The following NRG1 variants were observed in gnomAD, a reference collection of about 807,000 sequenced individuals.
NRG1 encodes the protein neuregulin 1, also known as pro-neuregulin-1, membrane-bound isoform.
NRG1 carries 18 observed loss-of-function variants against 63.8 expected under a neutral mutation model. That is an observed-to-expected ratio of 0.28 (90% CI 0.19 to 0.42). NRG1 has a LOEUF of 0.42. Among genes scored for constraint, NRG1 ranks in the 10% least tolerant of loss-of-function variants. NRG1 has a pLI of 1.00. For missense variants in NRG1, 762 were observed against 814.7 expected (o/e 0.94, Z 0.79); for synonymous variants, 302 against 301.3 (o/e 1.00, Z -0.02).
chr8:32,152,506 A>G (rs1469983818), intron 1 of NRG1, among the ~76,000 whole-genome samples: 1 of 152,250 alleles, frequency 6.6e-6, no homozygotes, highest in Non-Finnish European at 1.5e-5. Context: ...TCAGGAGACG[A>G]TCAATGATTA....
At chr8:32,267,032 G>A (rs953391184) in intron 1 of NRG1, among the ~76,000 whole-genome samples, 1 of 151,244 alleles carries the variant, frequency 6.6e-6, no homozygotes, top group African/African-American at 2.4e-5. Context: ...CTGGGTGACA[G>A]AGCCAGACTC....
intron 1 of NRG1, among the ~76,000 whole-genome samples, chr8:32,331,165 T>TA (rs1367910133): frequency 6.6e-6 from 1 of 152,148 alleles, no homozygotes; most frequent in African/African-American, 2.4e-5. Flanking sequence ...CCAGTTTTCT[T>TA]ACTACTTTTT....
intron 1 of NRG1, among the ~76,000 whole-genome samples, chr8:32,460,535 T>C (rs925909377): frequency 6.6e-6 from 1 of 152,228 alleles, no homozygotes; most frequent in Non-Finnish European, 1.5e-5. Context: ...ATTTAAATTT[T>C]TGCTAGTCAC....
intron 1 of NRG1, among the ~76,000 whole-genome samples, chr8:32,405,839 A>G (rs1226443271): frequency 1.3e-5 from 2 of 152,164 alleles, no homozygotes; most frequent in African/African-American, 4.8e-5. Context: ...TTTCATTAGT[A>G]GGCTTTTAAA....
chr8:32,340,373 T>C (rs935601834), intron 1 of NRG1, among the ~76,000 whole-genome samples: 3 of 152,174 alleles, frequency 2.0e-5, no homozygotes, highest in African/African-American at 7.2e-5. Flanking sequence ...GGCTGCTAAA[T>C]CCTAGAGGGC....
chr8:32,205,214 T>G (rs1843912818), intron 1 of NRG1, among the ~76,000 whole-genome samples: 1 of 152,160 alleles, frequency 6.6e-6, no homozygotes, highest in Non-Finnish European at 1.5e-5. Flanking sequence ...TTGGATGGGT[T>G]TTTTTATATT....
chr8:31,826,168 G>T (rs1009936409), intron 1 of NRG1, among the ~76,000 whole-genome samples: 1 of 152,148 alleles, frequency 6.6e-6, no homozygotes, highest in African/African-American at 2.4e-5. Context: ...TCAGGTCAAT[G>T]GGATGTAAAT....
intron 1 of NRG1, among the ~76,000 whole-genome samples, chr8:32,253,974 C>T (rs963377179): frequency 9.9e-5 from 15 of 152,064 alleles, no homozygotes; most frequent in Admixed American, 6.6e-5. Context: ...AGTTTATTTG[C>T]GTAGAGGTGT....
chr8:31,770,235 G>A (rs1050950829), intron 1 of NRG1, among the ~76,000 whole-genome samples: 1 of 152,140 alleles, frequency 6.6e-6, no homozygotes, highest in East Asian at 1.9e-4. Context: ...ACACGTGTGA[G>A]TTAAGAAAAA....
At chr8:31,805,454 ATAAT>A (rs958878193) in intron 1 of NRG1, among the ~76,000 whole-genome samples, 1 of 152,156 alleles carries the variant, frequency 6.6e-6, no homozygotes, top group Admixed American at 6.5e-5. Context: ...ATGAAACAGC[ATAAT>A]TAGTTGTAAC....
At chr8:32,527,903 A>G (rs984335015) in intron 1 of NRG1, among the ~76,000 whole-genome samples, 3 of 152,088 alleles carry the variant, frequency 2.0e-5, no homozygotes, top group Non-Finnish European at 4.4e-5. Context: ...CCTTCAGAAT[A>G]TGTCCATTAT....
chr8:32,487,841 T>A (rs1005839933), intron 1 of NRG1, among the ~76,000 whole-genome samples: 3 of 152,040 alleles, frequency 2.0e-5, no homozygotes, highest in Non-Finnish European at 2.9e-5. Context: ...TCAACCGGAG[T>A]CAGAACTAAG....
At chr8:32,617,369 G>A (rs1405124822) in intron 5 of NRG1, among the ~76,000 whole-genome samples, 1 of 152,256 alleles carries the variant, frequency 6.6e-6, no homozygotes, top group Non-Finnish European at 1.5e-5. Flanking sequence ...TTGATAGCAA[G>A]TAACTGATTA....
intron 1 of NRG1, among the ~76,000 whole-genome samples, chr8:32,162,393 A>G (rs138620203): frequency 0.013 from 2,044 of 152,318 alleles, 31 homozygotes; most frequent in Middle Eastern, 0.037. Flanking sequence ...TTGTGTTGGC[A>G]TTTTATAGGC....
intron 1 of NRG1, among the ~76,000 whole-genome samples, chr8:32,312,741 C>T (rs760792449): frequency 2.0e-5 from 3 of 152,004 alleles, no homozygotes; most frequent in Non-Finnish European, 2.9e-5. Flanking sequence ...ACCAACCTCC[C>T]GGGAATGAAA....
chr8:32,363,959 T>C (rs879834266), intron 1 of NRG1, among the ~76,000 whole-genome samples: 1 of 151,696 alleles, frequency 6.6e-6, no homozygotes, highest in African/African-American at 2.4e-5. Flanking sequence ...CTTGTAGAAG[T>C]GAACACTAAA....
At chr8:32,521,071 C>T (rs747818253) in intron 1 of NRG1, among the ~76,000 whole-genome samples, 4 of 152,118 alleles carry the variant, frequency 2.6e-5, no homozygotes, top group African/African-American at 9.7e-5. Flanking sequence ...TAATCTCTTA[C>T]TGTGACTAAT....
chr8:32,677,342 C>T (rs1051993582), intron 5 of NRG1, among the ~76,000 whole-genome samples: 1 of 152,012 alleles, frequency 6.6e-6, no homozygotes, highest in Non-Finnish European at 1.5e-5. Context: ...ATTATGATTC[C>T]TTCAGAATCT....
At chr8:32,434,184 CAAAATAAAATAAAAT>C (rs71208182) in intron 1 of NRG1, among the ~76,000 whole-genome samples, 2 of 146,338 alleles carry the variant, frequency 1.4e-5, no homozygotes, top group African/African-American at 2.5e-5. Flanking sequence ...GACTCCATCT[CAAAATAAAATAAAAT>C]AAAATAAAAT....
Sources: gnomAD v4.1 joint callset for allele counts (sites outside exome capture counted in the v4.1 genomes callset) on GRCh38, gnomAD v4.1.1 for gene constraint, MANE v1.5 for transcripts, NCBI Gene and HGNC (gene_info 2026-07-23, HGNC 2026-07-21) for gene names.